The following PREX2 variants were observed in gnomAD, a reference collection of about 807,000 sequenced individuals.
PREX2 encodes the protein phosphatidylinositol-3,4,5-trisphosphate dependent Rac exchange factor 2.
A neutral mutation model predicts 203.2 loss-of-function variants in PREX2; 107 were observed. The ratio of observed to expected loss-of-function variants is 0.53; its 90% CI spans 0.45 to 0.62. The LOEUF is 0.62. Ranked by LOEUF, PREX2 falls within the 20% of genes least tolerant of loss-of-function variation. The pLI, the probability that PREX2 is intolerant of heterozygous loss-of-function variation, is 0.00. For synonymous variants in PREX2, 672 were observed against 663.6 expected, an observed-to-expected ratio of 1.01 and a Z score of -0.19; for missense variants, 1,777 against 1,955.9, an observed-to-expected ratio of 0.91 and a Z score of 1.72.
chr8:68,042,921 A>C (rs1259135595), intron 7 of PREX2, among the ~76,000 whole-genome samples: 3 of 152,092 alleles, frequency 2.0e-5, no homozygotes, highest in African/African-American at 7.2e-5. Context: ...AAATAGAACT[A>C]AGTGATGGAT....
At chr8:68,221,909 T>C (rs986686906) in intron 38 of PREX2, among the ~76,000 whole-genome samples, 3 of 152,190 alleles carry the variant, frequency 2.0e-5, no homozygotes, top group Non-Finnish European at 4.4e-5. Flanking sequence ...ATTCTAAAAC[T>C]AATTTATGTG....
chr8:68,145,007 A>AAT (rs1302068015), intron 33 of PREX2, among the ~76,000 whole-genome samples: 2 of 152,162 alleles, frequency 1.3e-5, no homozygotes, highest in Non-Finnish European at 1.5e-5. Context: ...CACAAATTAA[A>AAT]ATATATATGT....
chr8:68,023,514 A>T (rs1045353136), intron 4 of PREX2, among the ~76,000 whole-genome samples: 2 of 152,212 alleles, frequency 1.3e-5, no homozygotes, highest in Non-Finnish European at 2.9e-5. Context: ...TATTTCAGAT[A>T]TAAGTCCTAT....
chr8:68,034,992 G>A (rs73267930), intron 6 of PREX2, among the ~76,000 whole-genome samples: 11,318 of 151,968 alleles, frequency 0.074, 1,305 homozygotes, highest in African/African-American at 0.25. Context: ...TAAAAGAGGC[G>A]CAAAATTTCA....
intron 1 of PREX2, among the ~76,000 whole-genome samples, chr8:67,974,270 C>T (rs1806006167): frequency 6.6e-6 from 1 of 151,744 alleles, no homozygotes; most frequent in Non-Finnish European, 1.5e-5. Context: ...CTTAGACTAA[C>T]AAGATACAAT....
intron 1 of PREX2, among the ~76,000 whole-genome samples, chr8:67,974,168 C>T (rs1393753403): frequency 6.6e-6 from 1 of 152,042 alleles, no homozygotes; most frequent in Non-Finnish European, 1.5e-5. Context: ...TTGATGTGTT[C>T]TGATAAACAG....
chr8:68,139,052 C>A (rs986754393), intron 33 of PREX2, among the ~76,000 whole-genome samples: 1 of 152,110 alleles, frequency 6.6e-6, no homozygotes, highest in African/African-American at 2.4e-5. Context: ...CTTGCCAAGA[C>A]TATTCTTGGT....
intron 10 of PREX2, 32 bp from the exon 11 acceptor site, chr8:68,060,647 C>A: frequency 1.3e-6 from 2 of 1,504,114 alleles, no homozygotes; most frequent in South Asian, 1.2e-5. Flanking sequence ...AAAAATTAAC[C>A]GTTTAGCTTT....
At chr8:68,037,452 G>A (rs1166807273) in intron 6 of PREX2, among the ~76,000 whole-genome samples, 1 of 152,066 alleles carries the variant, frequency 6.6e-6, no homozygotes, top group Non-Finnish European at 1.5e-5. Flanking sequence ...TCCAACTCAG[G>A]GGGCAGCTTT....
intron 1 of PREX2, among the ~76,000 whole-genome samples, chr8:68,015,444 A>G (rs1321196905): frequency 6.6e-6 from 1 of 152,226 alleles, no homozygotes; most frequent in African/African-American, 2.4e-5. Flanking sequence ...ATAAGAAGAT[A>G]AAAAGTCAGA....
intron 1 of PREX2, among the ~76,000 whole-genome samples, chr8:68,004,071 C>G (rs1014729280): frequency 1.3e-5 from 2 of 151,992 alleles, no homozygotes; most frequent in African/African-American, 4.8e-5. Context: ...TGGCCTGACT[C>G]TTTTAACTCA....
chr8:68,183,247 T>G (rs1812121036), intron 35 of PREX2, among the ~76,000 whole-genome samples: 1 of 152,112 alleles, frequency 6.6e-6, no homozygotes, highest in Non-Finnish European at 1.5e-5. Flanking sequence ...TGGAAAAAGA[T>G]CCAACCCATG....
chr8:68,099,578 T>C (rs1477502847), intron 22 of PREX2, 104 bp from the exon 23 acceptor site: 2 of 1,098,098 alleles, frequency 1.8e-6, no homozygotes, highest in Admixed American at 2.4e-5. Context: ...AAATTTGATA[T>C]GGCTACTTTT....
intron 13 of PREX2, among the ~76,000 whole-genome samples, chr8:68,072,021 T>C (rs1030351172): frequency 6.6e-6 from 1 of 152,182 alleles, no homozygotes; most frequent in Non-Finnish European, 1.5e-5. Flanking sequence ...ATGTCATCAA[T>C]AGGTTCCTGG....
At chr8:68,014,037 A>T (rs1011325271) in intron 1 of PREX2, among the ~76,000 whole-genome samples, 3 of 152,214 alleles carry the variant, frequency 2.0e-5, no homozygotes, top group African/African-American at 7.2e-5. Flanking sequence ...GAAAGAGATC[A>T]TTTTGTATGT....
rs1812310133 is a variant in PREX2 at position 68,192,266 on chromosome 8, T to C, written c.4414-69T>C. ...AAATTTTAGACTATTCTTTAACAGC[T>C]ATACCAACCTATCTAAAAGAATTTT... On this transcript the variant is annotated intron_variant, in intron 36 of 39. Coordinates refer to ENST00000288368, the MANE Select transcript of PREX2 (RefSeq NM_024870.4). The C allele has an allele frequency of 2.2e-5, 27 of 1,208,840 alleles. 1 individual carries two copies. The South Asian group carries it at 4.2e-4, about 19-fold the overall frequency. The allele number at this position is 1,208,840 out of a possible 1,614,324, so 74.9% of individuals were successfully genotyped here.
chr8:68,056,028 C>G, intron 10 of PREX2, 54 bp downstream of exon 10: 1 of 1,511,390 alleles, frequency 6.6e-7, no homozygotes, highest in Middle Eastern at 1.8e-4. Context: ...ATTGTCTCAC[C>G]TGTTAACTTT....
At chr8:68,217,840 G>A in intron 38 of PREX2, 122 bp downstream of exon 38, 2 of 570,128 alleles carry the variant, frequency 3.5e-6, no homozygotes, top group Non-Finnish European at 5.5e-6. Context: ...TAGGCTCAGA[G>A]GTAACTCATG....
At chr8:68,038,019 C>A (rs1460545684) in intron 6 of PREX2, 140 bp from the exon 7 acceptor site, 3 of 839,070 alleles carry the variant, frequency 3.6e-6, no homozygotes, top group Non-Finnish European at 5.6e-6. Context: ...CAGTGTATAA[C>A]TATCTCTACT....
Sources: allele counts gnomAD v4.1 joint callset (sites outside exome capture counted in the v4.1 genomes callset), GRCh38; gene constraint gnomAD v4.1.1; transcripts MANE v1.5; gene names NCBI Gene and HGNC (gene_info 2026-07-23, HGNC 2026-07-21).